The following ADCY2 variants were observed in gnomAD, a reference collection of about 807,000 sequenced individuals.
ADCY2 encodes adenylate cyclase type 2.
Under a neutral mutation model 125.2 loss-of-function variants are expected in ADCY2, and 31 were observed. The ratio of observed to expected loss-of-function variants is 0.25; its 90% confidence interval spans 0.19 to 0.33. The LOEUF (loss-of-function observed/expected upper bound fraction) is 0.33. Ranked by LOEUF, ADCY2 falls within the 10% of genes least tolerant of loss-of-function variation. The pLI, the probability that ADCY2 is intolerant of heterozygous loss-of-function variation, is 1.00. For synonymous variants in ADCY2, 512 were observed against 548.4 expected (o/e 0.93, Z 0.93); for missense variants, 904 against 1,418.2 (o/e 0.64, Z 5.82).
chr5:7,504,163 A>G (rs1234936506), intron 2 of ADCY2, among the ~76,000 whole-genome samples: 1 of 152,202 alleles, frequency 6.6e-6, no homozygotes, highest in Non-Finnish European at 1.5e-5. Flanking sequence ...CCAGAGCTTC[A>G]TGTTGTTCCG....
At chr5:7,672,553 G>T (rs1739972240) in intron 4 of ADCY2, among the ~76,000 whole-genome samples, 1 of 152,058 alleles carries the variant, frequency 6.6e-6, no homozygotes, top group African/African-American at 2.4e-5. Flanking sequence ...AGGCTAGAGG[G>T]CAGTGGTGCC....
chr5:7,562,976 C>T (rs1305589027), intron 3 of ADCY2, among the ~76,000 whole-genome samples: 1 of 152,038 alleles, frequency 6.6e-6, no homozygotes, highest in East Asian at 1.9e-4. Flanking sequence ...AATTCTGTAT[C>T]TCAGGTTTAA....
chr5:7,473,500 C>T (rs1043846106), intron 2 of ADCY2, among the ~76,000 whole-genome samples: 10 of 152,026 alleles, frequency 6.6e-5, no homozygotes, highest in Admixed American at 6.5e-4. Flanking sequence ...CCAAACACCT[C>T]CCACTAGGCC....
At chr5:7,622,285 T>C (rs965172983) in intron 3 of ADCY2, among the ~76,000 whole-genome samples, 2 of 152,224 alleles carry the variant, frequency 1.3e-5, no homozygotes, top group African/African-American at 4.8e-5. Context: ...AAAAATTATT[T>C]AGGACATCAA....
At chr5:7,698,011 T>C (rs1276043042) in intron 6 of ADCY2, among the ~76,000 whole-genome samples, 2 of 152,180 alleles carry the variant, frequency 1.3e-5, no homozygotes, top group Non-Finnish European at 2.9e-5. Context: ...CAGAACATTC[T>C]CCCTTCTTTC....
intron 3 of ADCY2, among the ~76,000 whole-genome samples, chr5:7,545,666 C>T (rs1384001082): frequency 6.6e-6 from 1 of 152,156 alleles, no homozygotes; most frequent in Non-Finnish European, 1.5e-5. Flanking sequence ...AGAAGCTGGC[C>T]TGTCCTTCAG....
At chr5:7,436,282 T>C (rs1740796872) in intron 2 of ADCY2, among the ~76,000 whole-genome samples, 1 of 152,146 alleles carries the variant, frequency 6.6e-6, no homozygotes, top group South Asian at 2.1e-4. Context: ...CATAACTACC[T>C]CGAGTAAAAA....
intron 2 of ADCY2, among the ~76,000 whole-genome samples, chr5:7,501,736 G>A (rs1286240936): frequency 4.8e-5 from 7 of 146,604 alleles, no homozygotes; most frequent in African/African-American, 1.8e-4. Context: ...GAAGAGAGAG[G>A]GCTCACTTGG....
intron 4 of ADCY2, 107 bp from the exon 5 acceptor site, chr5:7,690,584 A>G (rs1740672232): frequency 5.8e-6 from 6 of 1,037,318 alleles, no homozygotes; most frequent in African/African-American, 3.3e-5. Context: ...TCCAGGAAAG[A>G]ATTCCCAAAC....
chr5:7,431,492 ATTTC>A (rs1740599298), intron 2 of ADCY2, among the ~76,000 whole-genome samples: 1 of 151,078 alleles, frequency 6.6e-6, no homozygotes, highest in Admixed American at 6.6e-5. Context: ...TTAGAAAATG[ATTTC>A]TTGAATATAA....
chr5:7,606,904 C>A (rs149298960), intron 3 of ADCY2, among the ~76,000 whole-genome samples: 1 of 152,220 alleles, frequency 6.6e-6, no homozygotes, highest in East Asian at 1.9e-4. Flanking sequence ...TCTTTGATGT[C>A]ATGTTATGTC....
intron 3 of ADCY2, among the ~76,000 whole-genome samples, chr5:7,524,541 C>T (rs73046368): frequency 0.021 from 3,129 of 152,292 alleles, 129 homozygotes; most frequent in African/African-American, 0.071. Context: ...GCAATGTGTT[C>T]TCCAGTCTCT....
At chr5:7,516,161 A>G (rs1744246525) in intron 2 of ADCY2, among the ~76,000 whole-genome samples, 1 of 152,196 alleles carries the variant, frequency 6.6e-6, no homozygotes, top group African/African-American at 2.4e-5. Flanking sequence ...CAGTGGGGAA[A>G]TACTAGAGTC....
intron 3 of ADCY2, among the ~76,000 whole-genome samples, chr5:7,585,210 AT>A (rs939634276): frequency 3.3e-5 from 5 of 152,166 alleles, no homozygotes; most frequent in Middle Eastern, 3.4e-3. Context: ...GGCAATTTCA[AT>A]TTTTTTGAAA....
At chr5:7,679,016 A>G (rs1474989207) in intron 4 of ADCY2, among the ~76,000 whole-genome samples, 1 of 152,204 alleles carries the variant, frequency 6.6e-6, no homozygotes, top group African/African-American at 2.4e-5. Flanking sequence ...ACTGGGAACA[A>G]AATATTGAAG....
chr5:7,656,284 C>T (rs2126687455), intron 4 of ADCY2, among the ~76,000 whole-genome samples: 1 of 152,280 alleles, frequency 6.6e-6, no homozygotes, highest in South Asian at 2.1e-4. Context: ...GAACTCCTGA[C>T]CTCAGGTGAT....
chr5:7,717,725 G>A (rs375587154), intron 12 of ADCY2, among the ~76,000 whole-genome samples: 12 of 152,330 alleles, frequency 7.9e-5, no homozygotes, highest in African/African-American at 2.9e-4. Flanking sequence ...CTGAGGCCAA[G>A]AATTGCTGTT....
Position 7,524,747 on chromosome 5 carries a change from C to T in ADCY2, c.570+3848C>T, listed in dbSNP as rs73046371. 3.2e-3 allele frequency among the ~76,000 whole-genome samples: 486 copies of T among 152,234 alleles called. 4 individuals carry two copies. Among genetic ancestry groups the T allele is most frequent in the African/African-American group, 0.011 (456 of 41,534 alleles). On this transcript the variant is annotated intron_variant, in intron 3 of 24. Transcript: ENST00000338316. Reference sequence around the variant, plus strand: ...CGGTGGTGGGTGCATCCTCCCGGAGCGCAATCAGGGCTGTGTTGCTTCTCT... The same window carrying T: ...CGGTGGTGGGTGCATCCTCCCGGAGTGCAATCAGGGCTGTGTTGCTTCTCT...
At chr5:7,657,671 G>A (rs758393496) in intron 4 of ADCY2, among the ~76,000 whole-genome samples, 2 of 152,144 alleles carry the variant, frequency 1.3e-5, no homozygotes, top group Non-Finnish European at 1.5e-5. Context: ...CACTAAGGGC[G>A]AAACACACGT....
Sources: allele counts gnomAD v4.1 joint callset (sites outside exome capture counted in the v4.1 genomes callset), GRCh38; gene constraint gnomAD v4.1.1; transcripts MANE v1.5; gene names NCBI Gene and HGNC (gene_info 2026-07-23, HGNC 2026-07-21).